Variants in SLC4A4 observed in about 807,000 individuals in gnomAD.
SLC4A4 encodes solute carrier family 4 member 4.
In SLC4A4, 27 loss-of-function variants were observed where a neutral mutation model predicts 111.5. That is an observed-to-expected ratio of 0.24 (90% CI 0.18 to 0.33). The LOEUF (loss-of-function observed/expected upper bound fraction) is 0.33. Among genes scored for constraint, SLC4A4 ranks in the 10% least tolerant of loss-of-function variants. The pLI is 1.00. For synonymous variants in SLC4A4, 443 were observed against 463.4 expected (o/e 0.96, Z 0.57); for missense variants, 909 against 1,315.5 (o/e 0.69, Z 4.78).
intron 16 of SLC4A4, among the ~76,000 whole-genome samples, chr4:71,530,751 C>T (rs759804672): frequency 1.3e-5 from 2 of 152,122 alleles, no homozygotes; most frequent in South Asian, 2.1e-4. Flanking sequence ...ACCCACCTTG[C>T]CAAGTAATTT....
intron 7 of SLC4A4, among the ~76,000 whole-genome samples, chr4:71,400,692 A>G (rs946658945): frequency 6.6e-6 from 1 of 152,206 alleles, no homozygotes; most frequent in African/African-American, 2.4e-5. Flanking sequence ...TACAGAAATC[A>G]AACTAACATT....
chr4:71,270,942 C>G (rs887068373), intron 3 of SLC4A4, among the ~76,000 whole-genome samples: 4 of 152,098 alleles, frequency 2.6e-5, no homozygotes, highest in Non-Finnish European at 5.9e-5. Flanking sequence ...TTGGATTGCC[C>G]CTTGAAGTGT....
intron 16 of SLC4A4, among the ~76,000 whole-genome samples, chr4:71,527,965 A>G (rs1733571696): frequency 6.6e-6 from 1 of 152,022 alleles, no homozygotes. Context: ...CAATCTCAAG[A>G]GTTTGGAGGA....
intron 7 of SLC4A4, among the ~76,000 whole-genome samples, chr4:71,403,038 A>G (rs1449744872): frequency 6.6e-6 from 1 of 152,204 alleles, no homozygotes; most frequent in Non-Finnish European, 1.5e-5. Context: ...GGACAGTTGC[A>G]TCTCCGCATT....
chr4:71,393,617 C>G (rs988045555), intron 6 of SLC4A4, among the ~76,000 whole-genome samples: 3 of 151,780 alleles, frequency 2.0e-5, no homozygotes, highest in Non-Finnish European at 2.9e-5. Flanking sequence ...TTAACACAAA[C>G]TCTATCAAAA....
At chr4:71,201,142 A>G (rs1336946107) in intron 1 of SLC4A4, among the ~76,000 whole-genome samples, 1 of 152,138 alleles carries the variant, frequency 6.6e-6, no homozygotes, top group African/African-American at 2.4e-5. Flanking sequence ...TGGGACTTGT[A>G]CTGAGGGACA....
chr4:71,353,622 G>A (rs1730038851), intron 5 of SLC4A4, among the ~76,000 whole-genome samples: 1 of 152,104 alleles, frequency 6.6e-6, no homozygotes, highest in African/African-American at 2.4e-5. Flanking sequence ...TCCTTTTGTA[G>A]CAGTGGGTGA....
At chr4:71,146,758 C>T (rs539418068) in intron 2 of SLC4A4, among the ~76,000 whole-genome samples, 1 of 152,140 alleles carries the variant, frequency 6.6e-6, no homozygotes, top group Non-Finnish European at 1.5e-5. Context: ...TGGAAAGGAA[C>T]AACTGGTACC....
intron 16 of SLC4A4, among the ~76,000 whole-genome samples, chr4:71,503,145 T>C (rs1385572774): frequency 1.3e-5 from 2 of 152,094 alleles, no homozygotes; most frequent in Non-Finnish European, 2.9e-5. Flanking sequence ...TCACTTTTGG[T>C]TTCCATTTGC....
At chr4:71,495,868 T>C (rs1223667759) in intron 15 of SLC4A4, among the ~76,000 whole-genome samples, 1 of 152,114 alleles carries the variant, frequency 6.6e-6, no homozygotes, top group Non-Finnish European at 1.5e-5. Context: ...AGAATGGTTC[T>C]AAGCTGAGAC....
chr4:71,500,685 T>C (rs2149157075), intron 16 of SLC4A4, among the ~76,000 whole-genome samples: 1 of 152,314 alleles, frequency 6.6e-6, no homozygotes, highest in African/African-American at 2.4e-5. Context: ...TTATTCTGCA[T>C]GTTGATATCT....
At chr4:71,497,402 A>C in intron 15 of SLC4A4, 99 bp from the exon 16 acceptor site, 1 of 995,320 alleles carries the variant, frequency 1.0e-6, no homozygotes, top group South Asian at 1.4e-5. Context: ...ACTGTTTTAC[A>C]GAAACTTTTG....
At chr4:71,378,784 C>A (rs1200351633) in intron 6 of SLC4A4, among the ~76,000 whole-genome samples, 1 of 152,152 alleles carries the variant, frequency 6.6e-6, no homozygotes, top group Non-Finnish European at 1.5e-5. Context: ...GCTTTTCTTT[C>A]CATGGTAAGC....
In SLC4A4 at chr4:71,155,876, T is replaced by A. The variant is rs576747088; in HGVS notation, c.-2+63084T>A. 7.2e-5 allele frequency among the ~76,000 whole-genome samples: 11 copies of A among 152,300 alleles called. No individual in the cohort carries two copies. In the South Asian group the frequency reaches 2.3e-3, roughly 32 times the overall value. On this transcript the variant is annotated intron_variant, in intron 2 of 26. Coordinates refer to the SLC4A4 transcript ENST00000649996. ...CATAAATTAGAATAAATGTCTGTAT[T>A]TTTTAAAAGTCCATTTGATATGACA...
At chr4:71,095,231 C>T (rs1267464391) in intron 2 of SLC4A4, among the ~76,000 whole-genome samples, 3 of 152,268 alleles carry the variant, frequency 2.0e-5, no homozygotes, top group Non-Finnish European at 4.4e-5. Context: ...GTAAGTAAAA[C>T]CCTATATCCT....
intron 7 of SLC4A4, among the ~76,000 whole-genome samples, chr4:71,440,077 A>G (rs1049089720): frequency 1.3e-5 from 2 of 151,988 alleles, no homozygotes; most frequent in South Asian, 2.1e-4. Flanking sequence ...CATAGCTTGT[A>G]TCTTTACTCC....
In SLC4A4 at chr4:71,527,696, T is replaced by TAA. The variant is rs201680509; in HGVS notation, c.2167-4356_2167-4355dup. Reference sequence around the variant, plus strand: ...CGTGTATTTCCCTTCTCCTCTTTATTAAAAAAAAAAAGGAGGAGAGCTATC... The same window carrying TAA: ...CGTGTATTTCCCTTCTCCTCTTTATTAAAAAAAAAAAAAGGAGGAGAGCTATC... On this transcript the variant is annotated intron_variant, in intron 16 of 25. Transcript: ENST00000264485. Among the ~76,000 whole-genome samples, 15 of 146,430 alleles carry TAA rather than the reference T, an allele frequency of 1.0e-4. 1 individual carries two copies. The highest frequency in any genetic ancestry group is 6.5e-4 in the South Asian group (3 of 4,634).
chr4:71,291,022 G>A (rs1724305052), intron 3 of SLC4A4, among the ~76,000 whole-genome samples: 1 of 152,150 alleles, frequency 6.6e-6, no homozygotes, highest in African/African-American at 2.4e-5. Context: ...AAGAATTTTG[G>A]TCAAGACAGA....
intron 2 of SLC4A4, among the ~76,000 whole-genome samples, chr4:71,129,430 C>A (rs559347295): frequency 6.6e-6 from 1 of 152,078 alleles, no homozygotes; most frequent in Non-Finnish European, 1.5e-5. Context: ...CCATCATACA[C>A]CAGTCAGAAT....
Sources: allele counts gnomAD v4.1 joint callset (sites outside exome capture counted in the v4.1 genomes callset), GRCh38; gene constraint gnomAD v4.1.1; transcripts MANE v1.5; gene names NCBI Gene and HGNC (gene_info 2026-07-23, HGNC 2026-07-21).